The following SGCZ variants were observed in gnomAD, a reference collection of about 807,000 sequenced individuals.
SGCZ encodes the protein sarcoglycan zeta, also known as zeta-sarcoglycan.
SGCZ carries 40 observed loss-of-function variants against 41.3 expected under a neutral mutation model. The observed-to-expected ratio is 0.97, with a 90% CI of 0.75 to 1.26. SGCZ has a LOEUF of 1.26. Among genes scored for constraint, SGCZ ranks in the 50% most tolerant of loss-of-function variants. The pLI, the probability that SGCZ is intolerant of heterozygous loss-of-function variation, is 0.00. For synonymous variants in SGCZ, 206 were observed against 137.5 expected (o/e 1.50, Z -3.49); for missense variants, 552 against 369.8 (o/e 1.49, Z -4.04).
intron 2 of SGCZ, among the ~76,000 whole-genome samples, chr8:14,417,686 C>T (rs1455633743): frequency 1.3e-5 from 2 of 151,696 alleles, no homozygotes; most frequent in Admixed American, 1.3e-4. Flanking sequence ...GTATTGTACT[C>T]TTGAAATTTG....
At chr8:14,113,013 G>C (rs547524880) in intron 5 of SGCZ, among the ~76,000 whole-genome samples, 1 of 152,074 alleles carries the variant, frequency 6.6e-6, no homozygotes, top group Non-Finnish European at 1.5e-5. Flanking sequence ...AAGAAGAAAT[G>C]TCAACCTATT....
intron 1 of SGCZ, among the ~76,000 whole-genome samples, chr8:14,843,230 G>C (rs1423559661): frequency 6.6e-6 from 1 of 151,976 alleles, no homozygotes; most frequent in Non-Finnish European, 1.5e-5. Context: ...AAAAAAAGAA[G>C]ACTAGTTTCT....
intron 1 of SGCZ, among the ~76,000 whole-genome samples, chr8:14,959,427 A>C (rs1319000757): frequency 6.6e-6 from 1 of 152,136 alleles, no homozygotes; most frequent in Non-Finnish European, 1.5e-5. Context: ...TACATAGAGT[A>C]CCCTCCAAAT....
At chr8:14,096,788 T>C (rs1240342625) in intron 7 of SGCZ, among the ~76,000 whole-genome samples, 1 of 152,190 alleles carries the variant, frequency 6.6e-6, no homozygotes, top group African/African-American at 2.4e-5. Flanking sequence ...CAGAACTTGT[T>C]ATTGGTTCAT....
chr8:14,996,030 A>G (rs1184308923), intron 1 of SGCZ, among the ~76,000 whole-genome samples: 1 of 151,902 alleles, frequency 6.6e-6, no homozygotes, highest in African/African-American at 2.4e-5. Context: ...CAGCCTCCCG[A>G]GTAGCTGAGA....
chr8:14,512,706 C>T lies in SGCZ; in HGVS notation c.234+42026G>A, dbSNP rs571965263. Among the ~76,000 whole-genome samples, 11 of 151,816 alleles carry T rather than the reference C, an allele frequency of 7.2e-5. No homozygotes were observed. The South Asian group carries it at 2.3e-3, about 32-fold the overall frequency. On this transcript the variant is annotated intron_variant, in intron 2 of 7. Transcript: ENST00000382080. ...GTTTGAACCCCTGGTCTCAAGTAAT[C>T]CTCATGCTTCAGCCTTCCAATGGGC...
intron 1 of SGCZ, among the ~76,000 whole-genome samples, chr8:14,595,055 G>A (rs1433317239): frequency 1.3e-5 from 2 of 150,168 alleles, no homozygotes; most frequent in Non-Finnish European, 2.9e-5. Flanking sequence ...TTATAGAAAT[G>A]GCTTTACTTA....
chr8:14,584,298 T>A (rs1283257715), intron 1 of SGCZ, among the ~76,000 whole-genome samples: 2 of 152,054 alleles, frequency 1.3e-5, no homozygotes, highest in African/African-American at 4.8e-5. Flanking sequence ...GAGAAAGTCA[T>A]GAAAGCTGGA....
intron 1 of SGCZ, among the ~76,000 whole-genome samples, chr8:14,743,114 A>T (rs936154329): frequency 6.6e-6 from 1 of 152,116 alleles, no homozygotes; most frequent in African/African-American, 2.4e-5. Context: ...ACATTCTTTA[A>T]GAATAAATTT....
chr8:14,461,575 G>C (rs968274471), intron 2 of SGCZ, among the ~76,000 whole-genome samples: 1 of 151,978 alleles, frequency 6.6e-6, no homozygotes, highest in Non-Finnish European at 1.5e-5. Context: ...TGACCTAGAC[G>C]AATCAGTATG....
chr8:14,787,042 A>G (rs963881544), intron 1 of SGCZ, among the ~76,000 whole-genome samples: 1 of 152,150 alleles, frequency 6.6e-6, no homozygotes, highest in Non-Finnish European at 1.5e-5. Flanking sequence ...GAGCAGTAAC[A>G]TCATAATCTT....
At chr8:15,146,041 C>T (rs1799026716) in intron 1 of SGCZ, among the ~76,000 whole-genome samples, 1 of 151,646 alleles carries the variant, frequency 6.6e-6, no homozygotes, top group Admixed American at 6.6e-5. Flanking sequence ...TGTTAGTGGC[C>T]ATGAATAGGA....
intron 1 of SGCZ, among the ~76,000 whole-genome samples, chr8:15,206,097 G>A (rs1488707466): frequency 6.6e-6 from 1 of 152,170 alleles, no homozygotes; most frequent in Non-Finnish European, 1.5e-5. Context: ...GGATACCTGG[G>A]TGCTGAAATA....
intron 2 of SGCZ, among the ~76,000 whole-genome samples, chr8:14,450,878 G>C (rs1354366776): frequency 6.6e-6 from 1 of 152,098 alleles, no homozygotes; most frequent in Non-Finnish European, 1.5e-5. Context: ...TACTACAAAA[G>C]TGGTATTTCA....
At chr8:15,188,357 T>C (rs1346701977) in intron 1 of SGCZ, among the ~76,000 whole-genome samples, 2 of 152,136 alleles carry the variant, frequency 1.3e-5, no homozygotes, top group African/African-American at 4.8e-5. Context: ...AGACATATTG[T>C]CAACTATATT....
intron 4 of SGCZ, among the ~76,000 whole-genome samples, chr8:14,226,760 C>T (rs1806386842): frequency 1.3e-5 from 2 of 152,164 alleles, no homozygotes; most frequent in South Asian, 4.1e-4. Context: ...GCCTGTTTAA[C>T]TTGATAGGAA....
chr8:14,218,315 A>G lies in SGCZ; in HGVS notation c.424+19277T>C, dbSNP rs555683108. 1.3e-4 allele frequency among the ~76,000 whole-genome samples: 20 copies of G among 152,334 alleles called. No homozygotes were observed. In the South Asian group the frequency reaches 4.1e-3, roughly 32 times the overall value. ...AACAATTAGAAAATGAAATGTTAAA[A>G]GGTATACCAGTTCCAAAAACATAAA... On this transcript the variant is annotated intron_variant, in intron 4 of 7. Coordinates refer to ENST00000382080, the MANE Select transcript of SGCZ (RefSeq NM_139167.4).
chr8:14,934,101 A>G (rs1476269477), intron 1 of SGCZ, among the ~76,000 whole-genome samples: 1 of 152,032 alleles, frequency 6.6e-6, no homozygotes, highest in Non-Finnish European at 1.5e-5. Flanking sequence ...TTCCCAAGTC[A>G]TTAGTCCTTA....
At chr8:14,784,433 G>C (rs897601703) in intron 1 of SGCZ, among the ~76,000 whole-genome samples, 6 of 151,798 alleles carry the variant, frequency 4.0e-5, no homozygotes, top group Non-Finnish European at 7.4e-5. Flanking sequence ...AGCTATATCA[G>C]GGTTTTTGTC....
Sources: allele counts gnomAD v4.1 joint callset (sites outside exome capture counted in the v4.1 genomes callset), GRCh38; gene constraint gnomAD v4.1.1; transcripts MANE v1.5; gene names NCBI Gene and HGNC (gene_info 2026-07-23, HGNC 2026-07-21).